Variants in RALYL observed in about 807,000 individuals in gnomAD.
RALYL encodes the protein RNA-binding Raly-like protein.
RALYL carries 29 observed loss-of-function variants against 35.1 expected under a neutral mutation model. The observed-to-expected ratio is 0.83, with a 90% confidence interval of 0.61 to 1.13. RALYL has a LOEUF of 1.13. Among genes scored for constraint, RALYL ranks in the 50% most tolerant of loss-of-function variants. The pLI, the probability that RALYL is intolerant of heterozygous loss-of-function variation, is 0.00. For synonymous variants in RALYL, 120 were observed against 127.6 expected, an observed-to-expected ratio of 0.94 and a Z score of 0.40; for missense variants, 359 against 360.4, an observed-to-expected ratio of 1.00 and a Z score of 0.03.
At chr8:84,437,411 A>C (rs747448360) in intron 1 of RALYL, among the ~76,000 whole-genome samples, 2 of 152,172 alleles carry the variant, frequency 1.3e-5, no homozygotes, top group Non-Finnish European at 2.9e-5. Flanking sequence ...GGTAGTCCTA[A>C]GATCTTTGAG....
At chr8:84,856,242 A>G (rs1554624280) in intron 5 of RALYL, among the ~76,000 whole-genome samples, 1 of 152,196 alleles carries the variant, frequency 6.6e-6, no homozygotes, top group Non-Finnish European at 1.5e-5. Flanking sequence ...TTTTTGTGCC[A>G]GTTTCCTTCC....
intron 4 of RALYL, among the ~76,000 whole-genome samples, chr8:84,811,062 TTTTTTG>T (rs1344413322): frequency 3.3e-5 from 5 of 151,806 alleles, no homozygotes; most frequent in African/African-American, 1.2e-4. Context: ...CTTGGTTTTG[TTTTTTG>T]TTTTTTTTTC....
At chr8:84,330,139 C>T (rs77501443) in intron 1 of RALYL, among the ~76,000 whole-genome samples, 2 of 151,922 alleles carry the variant, frequency 1.3e-5, no homozygotes, top group Non-Finnish European at 2.9e-5. Flanking sequence ...AGATGCATAA[C>T]TTCTCTGGAA....
intron 7 of RALYL, among the ~76,000 whole-genome samples, chr8:84,877,179 C>T (rs1841308031): frequency 6.6e-6 from 1 of 152,100 alleles, no homozygotes; most frequent in Non-Finnish European, 1.5e-5. Flanking sequence ...TGTGATACAA[C>T]AGTCAATTAA....
At chr8:84,678,467 A>G (rs1156665032) in intron 2 of RALYL, among the ~76,000 whole-genome samples, 1 of 152,046 alleles carries the variant, frequency 6.6e-6, no homozygotes, top group East Asian at 1.9e-4. Context: ...GGGTTTCACC[A>G]TGTTGGCCAG....
chr8:84,198,282 A>G (rs995557671), intron 1 of RALYL, among the ~76,000 whole-genome samples: 2 of 152,222 alleles, frequency 1.3e-5, no homozygotes, highest in Admixed American at 6.5e-5. Flanking sequence ...AGAGGGCTTT[A>G]TCATTCAAAC....
intron 1 of RALYL, among the ~76,000 whole-genome samples, chr8:84,235,569 A>C (rs909441794): frequency 6.6e-6 from 1 of 152,182 alleles, no homozygotes; most frequent in African/African-American, 2.4e-5. Flanking sequence ...AGTTATATAA[A>C]TCATAGAAGA....
chr8:84,782,048 C>T (rs578221554), intron 3 of RALYL, among the ~76,000 whole-genome samples: 59 of 152,164 alleles, frequency 3.9e-4, no homozygotes, highest in South Asian at 1.5e-3. Context: ...CACACACACA[C>T]ACACACACAC....
chr8:84,451,196 T>A (rs2049434705), intron 1 of RALYL, among the ~76,000 whole-genome samples: 1 of 152,080 alleles, frequency 6.6e-6, no homozygotes, highest in Non-Finnish European at 1.5e-5. Flanking sequence ...TGTTCTCTAA[T>A]ATTCCAACTA....
chr8:84,297,634 C>T (rs1014919736), intron 1 of RALYL, among the ~76,000 whole-genome samples: 2 of 152,130 alleles, frequency 1.3e-5, no homozygotes, highest in African/African-American at 4.8e-5. Flanking sequence ...AAACTGCTTT[C>T]TACAGTGGTT....
chr8:84,844,414 A>G (rs1336997392), intron 4 of RALYL, among the ~76,000 whole-genome samples: 3 of 152,326 alleles, frequency 2.0e-5, no homozygotes, highest in South Asian at 2.1e-4. Context: ...CAAAACCACA[A>G]TGAGATACCA....
At chr8:84,266,566 G>T (rs1367002157) in intron 1 of RALYL, among the ~76,000 whole-genome samples, 1 of 152,180 alleles carries the variant, frequency 6.6e-6, no homozygotes, top group African/African-American at 2.4e-5. Flanking sequence ...GATCAGGCTA[G>T]CCCTCTGGCA....
chr8:84,754,741 G>T (rs552284312), intron 2 of RALYL, among the ~76,000 whole-genome samples: 45 of 152,200 alleles, frequency 3.0e-4, no homozygotes, highest in Middle Eastern at 3.4e-3. Flanking sequence ...TACTGAATGG[G>T]GACAGAGAGA....
At chr8:84,295,858 A>G (rs540751434) in intron 1 of RALYL, among the ~76,000 whole-genome samples, 55 of 152,212 alleles carry the variant, frequency 3.6e-4, no homozygotes, top group African/African-American at 1.3e-3. Context: ...GGTGTTCTCT[A>G]TGGGTCTAAG....
intron 1 of RALYL, among the ~76,000 whole-genome samples, chr8:84,396,359 A>G (rs1328347732): frequency 6.6e-6 from 1 of 152,132 alleles, no homozygotes; most frequent in Non-Finnish European, 1.5e-5. Context: ...AAAGATCATC[A>G]AATCTCAGGT....
At chr8:84,351,397 T>TA (rs1285640020) in intron 1 of RALYL, among the ~76,000 whole-genome samples, 1 of 150,348 alleles carries the variant, frequency 6.7e-6, no homozygotes, top group Non-Finnish European at 1.5e-5. Flanking sequence ...ACATTCATTT[T>TA]AAAAAATAGC....
rs539940987 is a variant in RALYL, at chr8:84,254,559, T to C, written c.-24+70135T>C. Among the ~76,000 whole-genome samples, 6 of 152,090 alleles carry C rather than the reference T, an allele frequency of 3.9e-5. No homozygotes were observed. The East Asian group carries it at 1.2e-3, about 30-fold the overall frequency. On this transcript the variant is annotated intron_variant, in intron 1 of 8. Coordinates refer to ENST00000521268, the MANE Select transcript of RALYL (RefSeq NM_173848.7). Reference sequence around the variant, plus strand: ...CCTTTACTTGGATTTAGCTTGAGTATCTTTCCTGAGGGCTCCAATTGCCTT... The same window carrying C: ...CCTTTACTTGGATTTAGCTTGAGTACCTTTCCTGAGGGCTCCAATTGCCTT...
chr8:84,506,382 A>G (rs2057166031), intron 1 of RALYL, among the ~76,000 whole-genome samples: 1 of 18,218 alleles, frequency 5.5e-5, no homozygotes, highest in South Asian at 4.7e-3. Context: ...ATATTCTGTG[A>G]TTACATCCAT....
At chr8:84,781,286 T>G (rs1472430464) in intron 3 of RALYL, among the ~76,000 whole-genome samples, 1 of 152,246 alleles carries the variant, frequency 6.6e-6, no homozygotes, top group Non-Finnish European at 1.5e-5. Flanking sequence ...ATTATTTTAC[T>G]TATAGTATGT....
Sources: gnomAD v4.1 joint callset for allele counts (sites outside exome capture counted in the v4.1 genomes callset) on GRCh38, gnomAD v4.1.1 for gene constraint, MANE v1.5 for transcripts, NCBI Gene and HGNC (gene_info 2026-07-23, HGNC 2026-07-21) for gene names.